Variants in PRKG1 observed in about 807,000 individuals in gnomAD.
PRKG1 encodes the protein cGMP-dependent protein kinase 1.
Under a neutral mutation model 88.1 loss-of-function variants are expected in PRKG1, and 35 were observed. That is an observed-to-expected ratio of 0.40 (90% CI 0.30 to 0.53). The LOEUF is 0.53. PRKG1 is among the 20% of genes least tolerant of loss of function. The pLI is 0.59. For missense variants in PRKG1, 540 were observed against 839.8 expected (o/e 0.64, Z 4.41); for synonymous variants, 303 against 292.5 (o/e 1.04, Z -0.37).
intron 4 of PRKG1, among the ~76,000 whole-genome samples, chr10:51,869,867 A>G (rs1383726878): frequency 6.6e-6 from 1 of 152,214 alleles, no homozygotes; most frequent in Non-Finnish European, 1.5e-5. Context: ...TTTGTGAATT[A>G]TAATGTTAAG....
chr10:51,524,242 C>T (rs1841816790), intron 3 of PRKG1, among the ~76,000 whole-genome samples: 1 of 152,144 alleles, frequency 6.6e-6, no homozygotes, highest in African/African-American at 2.4e-5. Context: ...ATTATGCAAT[C>T]TCACGTATTT....
At position 51,852,228 on chromosome 10, in the gene PRKG1, T is replaced by TAC. The variant is rs1554848720; in HGVS notation, c.698+47551_698+47552dup. 2.6e-4 allele frequency among the ~76,000 whole-genome samples: 39 copies of TAC among 148,588 alleles called. 1 individual carries two copies. Among genetic ancestry groups the TAC allele is most frequent in the East Asian group, 3.9e-4 (2 of 5,066 alleles). On this transcript the variant is annotated intron_variant, in intron 4 of 17. Transcript: ENST00000373980. ...TTTTATATGTGTATATATATATATATACACACACACACACGTCATATATAA... is the reference window on the plus strand; with the variant it reads ...TTTTATATGTGTATATATATATATATACACACACACACACACGTCATATATAA...
intron 12 of PRKG1, among the ~76,000 whole-genome samples, chr10:52,274,642 A>C (rs1347100212): frequency 6.6e-6 from 1 of 151,812 alleles, no homozygotes; most frequent in Non-Finnish European, 1.5e-5. Context: ...ATGATTTTGC[A>C]ATTGTGAATT....
chr10:51,680,007 C>T (rs904922906), intron 3 of PRKG1, among the ~76,000 whole-genome samples: 17 of 152,002 alleles, frequency 1.1e-4, no homozygotes, highest in Non-Finnish European at 2.2e-4. Flanking sequence ...GGCTACTCTA[C>T]CTACAACCTC....
chr10:51,133,761 C>G (rs919994432), intron 1 of PRKG1, among the ~76,000 whole-genome samples: 1 of 152,076 alleles, frequency 6.6e-6, no homozygotes, highest in African/African-American at 2.4e-5. Flanking sequence ...AAATCTCACT[C>G]GTGAATTATG....
chr10:51,648,487 T>G (rs1300601675), intron 3 of PRKG1, among the ~76,000 whole-genome samples: 1 of 152,198 alleles, frequency 6.6e-6, no homozygotes, highest in Non-Finnish European at 1.5e-5. Flanking sequence ...CATGATATAT[T>G]AATTTTTATT....
intron 3 of PRKG1, among the ~76,000 whole-genome samples, chr10:51,580,402 A>G (rs1165130572): frequency 2.0e-5 from 3 of 152,152 alleles, no homozygotes; most frequent in African/African-American, 4.8e-5. Flanking sequence ...TCTTGCCAAC[A>G]CATGGTATTA....
rs766271758 is a variant in PRKG1, at chr10:51,317,361, G to A, written c.479-150362G>A. On this transcript the variant is annotated intron_variant, in intron 2 of 17. Transcript: ENST00000373980. ...ATTCAAGTGAGAAAAATATAAAGTA[G>A]TCACAAATATTTGATTTTAAGATTA... Among the ~76,000 whole-genome samples the A allele has an allele frequency of 4.3e-4, 66 of 152,138 alleles. 1 individual carries two copies. Among genetic ancestry groups the A allele is most frequent in the Non-Finnish European group, 8.5e-4 (58 of 68,028 alleles).
intron 3 of PRKG1, among the ~76,000 whole-genome samples, chr10:51,755,113 T>C (rs1011513423): frequency 1.3e-5 from 2 of 152,216 alleles, no homozygotes; most frequent in African/African-American, 4.8e-5. Context: ...TTAATACTTA[T>C]TTACTGAGTT....
At chr10:51,016,227 T>C (rs1843057566) in intron 1 of PRKG1, among the ~76,000 whole-genome samples, 1 of 146,136 alleles carries the variant, frequency 6.8e-6, no homozygotes, top group Non-Finnish European at 1.5e-5. Context: ...TCCTCTTTCA[T>C]TTTTCAGTCA....
At chr10:51,482,664 G>T (rs1338770663) in intron 3 of PRKG1, among the ~76,000 whole-genome samples, 1 of 152,064 alleles carries the variant, frequency 6.6e-6, no homozygotes, top group African/African-American at 2.4e-5. Flanking sequence ...CCCAAGCTGT[G>T]GTTTTAACCC....
intron 3 of PRKG1, among the ~76,000 whole-genome samples, chr10:51,646,643 G>T (rs1373167764): frequency 2.0e-5 from 3 of 151,998 alleles, no homozygotes; most frequent in African/African-American, 7.2e-5. Flanking sequence ...TCTTAAAGAA[G>T]GAAAGGGGAG....
chr10:52,137,247 A>C (rs1837453310), intron 8 of PRKG1, among the ~76,000 whole-genome samples: 1 of 152,116 alleles, frequency 6.6e-6, no homozygotes, highest in East Asian at 1.9e-4. Context: ...GACAAACCAG[A>C]AGATGATAAA....
intron 5 of PRKG1, among the ~76,000 whole-genome samples, chr10:51,961,854 A>G (rs571368834): frequency 3.3e-5 from 5 of 152,144 alleles, no homozygotes; most frequent in Non-Finnish European, 7.4e-5. Flanking sequence ...TTATTTAGAG[A>G]CCAGGTAGTG....
intron 8 of PRKG1, among the ~76,000 whole-genome samples, chr10:52,139,754 C>T (rs1564486626): frequency 6.6e-6 from 1 of 152,080 alleles, no homozygotes; most frequent in Non-Finnish European, 1.5e-5. Context: ...AATAGGTGAT[C>T]ACTAAACTGC....
At chr10:51,841,365 A>G (rs1484984873) in intron 4 of PRKG1, among the ~76,000 whole-genome samples, 2 of 152,186 alleles carry the variant, frequency 1.3e-5, no homozygotes, top group Non-Finnish European at 2.9e-5. Context: ...ACAAAAAAGG[A>G]GAAACGAAAA....
intron 8 of PRKG1, among the ~76,000 whole-genome samples, chr10:52,150,598 A>C (rs1316336298): frequency 6.6e-6 from 1 of 152,174 alleles, no homozygotes; most frequent in African/African-American, 2.4e-5. Context: ...TTTTGGGAAA[A>C]GTATGTATTT....
chr10:51,702,425 T>C (rs1490662274), intron 3 of PRKG1, among the ~76,000 whole-genome samples: 1 of 152,156 alleles, frequency 6.6e-6, no homozygotes, highest in East Asian at 1.9e-4. Context: ...CTGGTACCAG[T>C]ACATATTTTT....
chr10:51,251,361 C>G (rs765009033), intron 2 of PRKG1, among the ~76,000 whole-genome samples: 1 of 151,706 alleles, frequency 6.6e-6, no homozygotes, highest in Admixed American at 6.6e-5. Flanking sequence ...TAGCCATGAA[C>G]TCTTTGTGAG....
Sources: allele counts gnomAD v4.1 joint callset (sites outside exome capture counted in the v4.1 genomes callset), GRCh38; gene constraint gnomAD v4.1.1; transcripts MANE v1.5; gene names NCBI Gene and HGNC (gene_info 2026-07-23, HGNC 2026-07-21).